Variants in ARB2A observed in about 807,000 individuals in gnomAD.
ARB2A encodes the protein cotranscriptional regulator ARB2A.
the ARB2A span, among the ~76,000 whole-genome samples, chr5:93,880,910 A>T: frequency 6.6e-6 from 1 of 151,542 alleles, no homozygotes; most frequent in Non-Finnish European, 1.5e-5. Context: ...GATATTAATT[A>T]CTCTTCCTCC....
At chr5:94,067,623 G>A in the ARB2A span, among the ~76,000 whole-genome samples, 1 of 151,960 alleles carries the variant, frequency 6.6e-6, no homozygotes, top group Non-Finnish European at 1.5e-5. Flanking sequence ...TAACCAAAGA[G>A]GTGAAAAACC....
the ARB2A span, among the ~76,000 whole-genome samples, chr5:93,907,843 G>C: frequency 6.6e-6 from 1 of 151,200 alleles, no homozygotes; most frequent in Non-Finnish European, 1.5e-5. Flanking sequence ...AATTTTAAAT[G>C]CATGCTGAAA....
the ARB2A span, among the ~76,000 whole-genome samples, chr5:93,702,049 T>G: frequency 6.6e-6 from 1 of 152,198 alleles, no homozygotes; most frequent in Admixed American, 6.5e-5. Context: ...TCTTTTACTA[T>G]TATGCAATCT....
the ARB2A span, among the ~76,000 whole-genome samples, chr5:93,829,660 C>T: frequency 4.1e-4 from 63 of 152,238 alleles, 1 homozygote; most frequent in South Asian, 8.9e-3. Context: ...ACCTTGTAGT[C>T]ATATATTAAA....
the ARB2A span, among the ~76,000 whole-genome samples, chr5:94,020,413 T>C: frequency 6.6e-6 from 1 of 152,002 alleles, no homozygotes; most frequent in Non-Finnish European, 1.5e-5. Flanking sequence ...ATGCCAGAAC[T>C]TAAAGTATAA....
the ARB2A span, among the ~76,000 whole-genome samples, chr5:93,911,902 G>A: frequency 1.3e-5 from 2 of 151,462 alleles, no homozygotes; most frequent in East Asian, 3.9e-4. Flanking sequence ...TAGCTCACTC[G>A]GATTGTGCTT....
chr5:93,628,073 T>C, the ARB2A span, among the ~76,000 whole-genome samples: 12 of 144,316 alleles, frequency 8.3e-5, no homozygotes, highest in Non-Finnish European at 1.8e-4. Flanking sequence ...TTTTTTTTTT[T>C]TTTTTGAGAT....
the ARB2A span, among the ~76,000 whole-genome samples, chr5:94,033,327 G>T: frequency 6.6e-6 from 1 of 152,126 alleles, no homozygotes; most frequent in Non-Finnish European, 1.5e-5. Flanking sequence ...AGTGTGCCTT[G>T]AGTCTCACAT....
the ARB2A span, among the ~76,000 whole-genome samples, chr5:93,945,511 A>G: frequency 1.2e-4 from 18 of 152,200 alleles, no homozygotes; most frequent in Non-Finnish European, 5.9e-5. Context: ...CAGGCGTACT[A>G]ATCAGAAATC....
At chr5:93,694,461 C>T in the ARB2A span, among the ~76,000 whole-genome samples, 1 of 152,020 alleles carries the variant, frequency 6.6e-6, no homozygotes, top group Non-Finnish European at 1.5e-5. Context: ...GAATAAAATA[C>T]CTAGGAATAC....
chr5:93,954,155 G>A, the ARB2A span, among the ~76,000 whole-genome samples: 6 of 152,224 alleles, frequency 3.9e-5, no homozygotes, highest in South Asian at 1.0e-3. Context: ...GCAAGACAAA[G>A]TCCCCTTTAT....
chr5:93,952,053 G>A, the ARB2A span, among the ~76,000 whole-genome samples: 16 of 152,104 alleles, frequency 1.1e-4, no homozygotes, highest in African/African-American at 3.9e-4. Flanking sequence ...CTAAAACTAA[G>A]AGCCCTGGAT....
chr5:93,963,368 A>C, the ARB2A span, among the ~76,000 whole-genome samples: 1 of 152,030 alleles, frequency 6.6e-6, no homozygotes. Context: ...ACAGAATAAT[A>C]TTTTATTGAC....
At chr5:93,845,732 C>G in the ARB2A span, among the ~76,000 whole-genome samples, 1 of 152,104 alleles carries the variant, frequency 6.6e-6, no homozygotes, top group African/African-American at 2.4e-5. Flanking sequence ...AAAGAAACAC[C>G]TTTGGAACGT....
chr5:93,633,259 A>G, the ARB2A span, among the ~76,000 whole-genome samples: 3 of 152,208 alleles, frequency 2.0e-5, no homozygotes, highest in South Asian at 6.2e-4. Flanking sequence ...ATGGTAGATC[A>G]TTTAGAGTTC....
the ARB2A span, among the ~76,000 whole-genome samples, chr5:93,786,338 G>A: frequency 6.6e-6 from 1 of 152,194 alleles, no homozygotes; most frequent in African/African-American, 2.4e-5. Context: ...GGGACTACTA[G>A]AGGAAAATAT....
chr5:93,875,244 T>C, the ARB2A span, among the ~76,000 whole-genome samples: 1 of 152,144 alleles, frequency 6.6e-6, no homozygotes, highest in Non-Finnish European at 1.5e-5. Flanking sequence ...ACTGCTTTTT[T>C]TTTTTGAGAC....
chr5:93,891,695 T>C, the ARB2A span, among the ~76,000 whole-genome samples: 1 of 152,142 alleles, frequency 6.6e-6, no homozygotes. Context: ...CAGTATCTCA[T>C]TAAATCTTTC....
the ARB2A span, among the ~76,000 whole-genome samples, chr5:93,707,243 T>C: frequency 1.3e-5 from 2 of 152,172 alleles, no homozygotes; most frequent in African/African-American, 4.8e-5. Context: ...TGGCAAAAAA[T>C]AAAGGATTTA....
Sources: gnomAD v4.1 joint callset for allele counts (sites outside exome capture counted in the v4.1 genomes callset) on GRCh38, gnomAD v4.1.1 for gene constraint, MANE v1.5 for transcripts, NCBI Gene and HGNC (gene_info 2026-07-23, HGNC 2026-07-21) for gene names.